The following NCAM2 variants were observed in gnomAD, a reference collection of about 807,000 sequenced individuals.
NCAM2 encodes the protein N-CAM-2.
In NCAM2, 30 loss-of-function variants were observed where a neutral mutation model predicts 98.1. That is an observed-to-expected ratio of 0.31 (90% CI 0.23 to 0.41). The LOEUF is 0.41. Ranked by LOEUF, NCAM2 falls within the 10% of genes least tolerant of loss-of-function variation. The pLI is 1.00. For synonymous variants in NCAM2, 368 were observed against 342.4 expected, an observed-to-expected ratio of 1.07 and a Z score of -0.83; for missense variants, 867 against 1,005.8, an observed-to-expected ratio of 0.86 and a Z score of 1.87.
chr21:21,397,392 C>T (rs2076533489), intron 9 of NCAM2, among the ~76,000 whole-genome samples: 1 of 152,202 alleles, frequency 6.6e-6, no homozygotes, highest in Non-Finnish European at 1.5e-5. Flanking sequence ...CAAGGGGTGC[C>T]TATAGGCCCC....
At chr21:21,323,449 T>C (rs1298029995) in intron 5 of NCAM2, among the ~76,000 whole-genome samples, 1 of 152,124 alleles carries the variant, frequency 6.6e-6, no homozygotes. Flanking sequence ...TTGAGTATAA[T>C]CACACTTGTA....
intron 10 of NCAM2, among the ~76,000 whole-genome samples, 165 bp downstream of exon 10, chr21:21,410,626 T>C (rs957613706): frequency 6.6e-5 from 10 of 152,090 alleles, no homozygotes; most frequent in Non-Finnish European, 1.3e-4. Flanking sequence ...GGCTCATTAA[T>C]GATGAGTGTA....
intron 12 of NCAM2, among the ~76,000 whole-genome samples, chr21:21,448,493 C>G (rs1046631069): frequency 6.6e-6 from 1 of 151,496 alleles, no homozygotes; most frequent in African/African-American, 2.4e-5. Context: ...CACCTGTATC[C>G]TGGAAATTGA....
intron 1 of NCAM2, among the ~76,000 whole-genome samples, chr21:21,239,980 T>C (rs1331821669): frequency 6.6e-6 from 1 of 152,126 alleles, no homozygotes; most frequent in Non-Finnish European, 1.5e-5. Flanking sequence ...TCCCCCTCTC[T>C]TTGTCTCCCT....
At chr21:21,175,046 G>A (rs2068237629) in intron 1 of NCAM2, among the ~76,000 whole-genome samples, 1 of 151,330 alleles carries the variant, frequency 6.6e-6, no homozygotes, top group South Asian at 2.1e-4. Context: ...CAGTAATAAA[G>A]TTTTTTTTTC....
At chr21:21,090,047 T>G (rs972839487) in intron 1 of NCAM2, among the ~76,000 whole-genome samples, 6 of 152,084 alleles carry the variant, frequency 3.9e-5, no homozygotes. Context: ...GCAACGACTT[T>G]CTACTCAAAG....
chr21:21,301,370 CTTTT>C (rs67139641), intron 5 of NCAM2, among the ~76,000 whole-genome samples: 13 of 146,302 alleles, frequency 8.9e-5, no homozygotes, highest in Admixed American at 6.8e-4. Context: ...AGTTTGGGGT[CTTTT>C]TTTTTTTCTA....
intron 1 of NCAM2, among the ~76,000 whole-genome samples, chr21:21,170,785 G>A (rs971875928): frequency 2.0e-5 from 3 of 152,076 alleles, no homozygotes; most frequent in Non-Finnish European, 4.4e-5. Context: ...TATCAATGTA[G>A]GTTCATCAAT....
intron 8 of NCAM2, among the ~76,000 whole-genome samples, chr21:21,372,156 GTCAACAA>G (rs2075932750): frequency 6.6e-6 from 1 of 151,720 alleles, no homozygotes; most frequent in Non-Finnish European, 1.5e-5. Context: ...AATTAAAATT[GTCAACAA>G]AAACTTTTAG....
intron 1 of NCAM2, among the ~76,000 whole-genome samples, chr21:21,181,165 T>C (rs761915267): frequency 2.0e-4 from 30 of 152,182 alleles, no homozygotes; most frequent in Admixed American, 7.2e-4. Context: ...CCTAGATATT[T>C]TTCCATTGTC....
chr21:21,225,200 G>A lies in NCAM2; in HGVS notation c.56-55378G>A, dbSNP rs117699330. Among the ~76,000 whole-genome samples, 6 of 152,178 alleles carry A rather than the reference G, an allele frequency of 3.9e-5. No homozygotes were observed. The East Asian group carries it at 1.2e-3, about 29-fold the overall frequency. On this transcript the variant is annotated intron_variant, in intron 1 of 17. Transcript: ENST00000400546. Reference sequence around the variant, plus strand: ...CATGTTCTCACTTAAAGTGGGAGCTGAACAATGAGAACACGTTGACACAGG... The same window carrying A: ...CATGTTCTCACTTAAAGTGGGAGCTAAACAATGAGAACACGTTGACACAGG...
At chr21:21,145,215 C>T (rs1036851219) in intron 1 of NCAM2, among the ~76,000 whole-genome samples, 3 of 152,066 alleles carry the variant, frequency 2.0e-5, no homozygotes, top group Non-Finnish European at 4.4e-5. Context: ...GAAGCCCATG[C>T]TAATATGAAT....
chr21:21,318,516 A>T (rs2074284394), intron 5 of NCAM2, among the ~76,000 whole-genome samples: 1 of 152,156 alleles, frequency 6.6e-6, no homozygotes, highest in African/African-American at 2.4e-5. Flanking sequence ...GTATTAAAAA[A>T]TCTATTAACA....
chr21:21,057,628 C>G (rs2065238606), intron 1 of NCAM2, among the ~76,000 whole-genome samples: 1 of 152,092 alleles, frequency 6.6e-6, no homozygotes, highest in Non-Finnish European at 1.5e-5. Flanking sequence ...AACTTTTCCC[C>G]ATCACGACTG....
At chr21:21,095,965 A>G (rs1187667777) in intron 1 of NCAM2, among the ~76,000 whole-genome samples, 1 of 151,648 alleles carries the variant, frequency 6.6e-6, no homozygotes, top group East Asian at 1.9e-4. Context: ...GAAAGAAGAA[A>G]CTATTGAGTC....
intron 1 of NCAM2, among the ~76,000 whole-genome samples, chr21:21,233,056 C>A (rs1203535689): frequency 6.6e-6 from 1 of 151,426 alleles, no homozygotes. Flanking sequence ...TAAAAAAATT[C>A]TGTTATGTTT....
At position 21,493,712 on chromosome 21, in the gene NCAM2, C is replaced by T. The variant is rs79389072; in HGVS notation, c.2078-15139C>T. ...TCTGTGTCCTAAAAATCCTCTCTTC[C>T]TCCCTCCTTTCTCCACTAGTTCCTG... On this transcript the variant is annotated intron_variant, in intron 15 of 17. Transcript: ENST00000400546. 1.1e-3 allele frequency among the ~76,000 whole-genome samples: 173 copies of T among 152,088 alleles called. 1 individual carries two copies. Among genetic ancestry groups the T allele is most frequent in the Admixed American group, 1.9e-3 (29 of 15,246 alleles).
intron 12 of NCAM2, among the ~76,000 whole-genome samples, chr21:21,453,958 C>A (rs1004975705): frequency 1.3e-5 from 2 of 151,946 alleles, no homozygotes; most frequent in Non-Finnish European, 1.5e-5. Flanking sequence ...AATAGTTCAG[C>A]GTCCTATGAA....
At chr21:21,070,679 T>C (rs2065543833) in intron 1 of NCAM2, among the ~76,000 whole-genome samples, 1 of 152,134 alleles carries the variant, frequency 6.6e-6, no homozygotes, top group African/African-American at 2.4e-5. Context: ...ATAGGGAGAT[T>C]AGGTGGTCAG....
Sources: gnomAD v4.1 joint callset for allele counts (sites outside exome capture counted in the v4.1 genomes callset) on GRCh38, gnomAD v4.1.1 for gene constraint, MANE v1.5 for transcripts, NCBI Gene and HGNC (gene_info 2026-07-23, HGNC 2026-07-21) for gene names.